Variants in ZDHHC11B observed in about 807,000 individuals in gnomAD.
ZDHHC11B encodes the protein probable palmitoyltransferase ZDHHC11B.
Under a neutral mutation model 42.3 loss-of-function variants are expected in ZDHHC11B, and 17 were observed. That is an observed-to-expected ratio of 0.40 (90% CI 0.27 to 0.60). The LOEUF (loss-of-function observed/expected upper bound fraction) is 0.60. Ranked by LOEUF, ZDHHC11B falls within the 20% of genes least tolerant of loss-of-function variation. The pLI is 0.41. For missense variants in ZDHHC11B, 262 were observed against 463.2 expected (o/e 0.57, Z 3.99); for synonymous variants, 123 against 193.5 (o/e 0.64, Z 3.02).
chr5:754,104 G>A (rs867679114), intron 6 of ZDHHC11B, among the ~76,000 whole-genome samples: 328 of 111,758 alleles, frequency 2.9e-3, no homozygotes, highest in Middle Eastern at 0.011. Context: ...GGGGAAACAC[G>A]TCTCATCTAT....
chr5:725,279 T>G, intron 12 of ZDHHC11B, among the ~76,000 whole-genome samples: 1 of 139,854 alleles, frequency 7.2e-6, no homozygotes, highest in African/African-American at 2.9e-5. Context: ...CCCTGCTGTG[T>G]GAGGACAACC....
chr5:713,903 T>A lies in ZDHHC11B; in HGVS notation c.*8-1621A>T, dbSNP rs576670211. Among the ~76,000 whole-genome samples the A allele has an allele frequency of 5.5e-4, 72 of 129,832 alleles. 4 individuals carry two copies. Among genetic ancestry groups the A allele is most frequent in the African/African-American group, 1.9e-3 (69 of 36,758 alleles). The allele number at this position is 129,832 out of a possible 152,430, so 85.2% of individuals were successfully genotyped here. A position where few individuals can be genotyped will look rare whatever the true frequency, so the allele number is the denominator to read the frequency against. On this transcript the variant is annotated intron_variant, in intron 13 of 13. Coordinates refer to ENST00000508859, the MANE Select transcript of ZDHHC11B (RefSeq NM_001351303.2). ...CATTTTGGCTGTGCTCTCAGCTTGA[T>A]CTGCCCTTTGTACCTCCTGAAAAGG...
rs1741395179 is a variant in ZDHHC11B at position 711,759 on chromosome 5, C to T, written c.*531G>A. ...TTCCCAGCACTGTGCTCCCATTTCC[C>T]ATTACTGTGCTCCCATTTCCCAGCA... On this transcript the variant is annotated 3_prime_UTR_variant, in exon 14 of 14. Coordinates refer to ENST00000508859, the MANE Select transcript of ZDHHC11B (RefSeq NM_001351303.2). The T allele has an allele frequency of 6.4e-6, 1 of 156,226 alleles. No homozygotes were observed. Among genetic ancestry groups the T allele is most frequent in the Non-Finnish European group, 1.4e-5 (1 of 70,150 alleles). 9.7% of individuals were successfully genotyped at this position (156,226 alleles called of 1,614,324 possible).
intron 6 of ZDHHC11B, among the ~76,000 whole-genome samples, chr5:754,230 ATGAGCCTCCACCG>A (rs1746227261): frequency 3.9e-5 from 1 of 25,340 alleles, no homozygotes; most frequent in Admixed American, 4.8e-4. Context: ...CGTCTCATCT[ATGAGCCTCCACCG>A]TGCTCAGGGG....
intron 1 of ZDHHC11B, among the ~76,000 whole-genome samples, chr5:775,881 G>A (rs1227461736): frequency 7.4e-5 from 11 of 148,792 alleles, no homozygotes; most frequent in South Asian, 2.2e-4. Flanking sequence ...GGTGGGGGCC[G>A]AGGCGCTCAG....
chr5:712,531 C>T (rs1157798219), intron 13 of ZDHHC11B, among the ~76,000 whole-genome samples: 3 of 117,628 alleles, frequency 2.6e-5, no homozygotes, highest in African/African-American at 3.5e-5. Flanking sequence ...AGTGCATCAC[C>T]GACAGAGGCC....
intron 12 of ZDHHC11B, among the ~76,000 whole-genome samples, chr5:720,833 G>A (rs1223245400): frequency 6.6e-6 from 1 of 151,620 alleles, no homozygotes; most frequent in Non-Finnish European, 1.5e-5. Context: ...AGTTGGGGCT[G>A]ACTGTAGTGG....
At chr5:770,215 C>T (rs1403654676) in intron 1 of ZDHHC11B, among the ~76,000 whole-genome samples, 6 of 150,530 alleles carry the variant, frequency 4.0e-5, no homozygotes, top group Non-Finnish European at 8.9e-5. Flanking sequence ...AGCACCAGGA[C>T]GTGGCGAGGG....
At chr5:752,447 C>T (rs1366404367) in intron 6 of ZDHHC11B, among the ~76,000 whole-genome samples, 1 of 89,306 alleles carries the variant, frequency 1.1e-5, no homozygotes, top group East Asian at 4.5e-4. Flanking sequence ...CTGGAACACA[C>T]TTTGACTAAA....
intron 3 of ZDHHC11B, 87 bp from the exon 4 acceptor site, chr5:767,006 G>A: frequency 6.9e-7 from 1 of 1,458,382 alleles, no homozygotes; most frequent in South Asian, 1.2e-5. Context: ...CGGGGACTGG[G>A]AACATGGCCC....
Position 767,326 on chromosome 5 carries a change from G to A in ZDHHC11B, c.-1+66C>T, listed in dbSNP as rs568425058. ...CCCACCCACACACATGTGGGGCTCCGGGTCCCACACCAGGGCGCAGCTGAA... is the reference window on the plus strand; with the variant it reads ...CCCACCCACACACATGTGGGGCTCCAGGTCCCACACCAGGGCGCAGCTGAA... On this transcript the variant is annotated intron_variant, in intron 3 of 13. Coordinates refer to ENST00000508859, the MANE Select transcript of ZDHHC11B (RefSeq NM_001351303.2). 161 of 1,530,758 alleles carry A rather than the reference G, an allele frequency of 1.1e-4. 2 individuals carry two copies. The highest frequency in any genetic ancestry group is 1.2e-4 in the Non-Finnish European group (138 of 1,120,964). 94.8% of individuals were successfully genotyped at this position (1,530,758 alleles called of 1,614,324 possible).
chr5:713,898 C>G (rs1357910816), intron 13 of ZDHHC11B, among the ~76,000 whole-genome samples: 1 of 132,022 alleles, frequency 7.6e-6, no homozygotes, highest in African/African-American at 2.7e-5. Flanking sequence ...GTGCTCTCAG[C>G]TTGATCTGCC....
chr5:744,986 G>T (rs1409829044), intron 9 of ZDHHC11B, among the ~76,000 whole-genome samples, 197 bp downstream of exon 9: 1 of 147,102 alleles, frequency 6.8e-6, no homozygotes, highest in Non-Finnish European at 1.5e-5. Context: ...AGTCCGTGGT[G>T]CATGACTGGT....
chr5:713,603 C>T (rs960295457), intron 13 of ZDHHC11B, among the ~76,000 whole-genome samples: 19 of 152,002 alleles, frequency 1.2e-4, no homozygotes, highest in Non-Finnish European at 2.9e-5. Flanking sequence ...AGGAATTATG[C>T]TTGGCTCCTG....
At chr5:758,712 T>A (rs569367894) in intron 4 of ZDHHC11B, among the ~76,000 whole-genome samples, 2 of 151,840 alleles carry the variant, frequency 1.3e-5, no homozygotes, top group Admixed American at 1.3e-4. Flanking sequence ...TGTCTTCACC[T>A]GGACAGCTCC....
At chr5:767,305 C>T in intron 3 of ZDHHC11B, 87 bp downstream of exon 3, 4 of 1,446,832 alleles carry the variant, frequency 2.8e-6, no homozygotes, top group African/African-American at 1.4e-5. Context: ...CCTCTCCCCA[C>T]CCACACACAT....
intron 4 of ZDHHC11B, among the ~76,000 whole-genome samples, chr5:758,535 C>T (rs1250430715): frequency 1.3e-5 from 2 of 151,862 alleles, no homozygotes; most frequent in African/African-American, 2.4e-5. Context: ...TCAGGGCTGT[C>T]CTGAGCCTGA....
chr5:723,321 T>C (rs567644441), intron 12 of ZDHHC11B, among the ~76,000 whole-genome samples: 1 of 140,124 alleles, frequency 7.1e-6, no homozygotes, highest in South Asian at 2.4e-4. Flanking sequence ...GGCAGTGATG[T>C]TCACAACTCC....
At chr5:777,483 C>A (rs1736612817) in intron 1 of ZDHHC11B, among the ~76,000 whole-genome samples, 1 of 151,800 alleles carries the variant, frequency 6.6e-6, no homozygotes, top group South Asian at 2.1e-4. Context: ...CCAGACTGAG[C>A]GGCAAGATTT....
Sources: allele counts gnomAD v4.1 joint callset (sites outside exome capture counted in the v4.1 genomes callset), GRCh38; gene constraint gnomAD v4.1.1; transcripts MANE v1.5; gene names NCBI Gene and HGNC (gene_info 2026-07-23, HGNC 2026-07-21).